Variants in CBX5 observed in about 807,000 individuals in gnomAD.
CBX5 encodes chromobox 5.
A neutral mutation model predicts 20.7 loss-of-function variants in CBX5; 7 were observed. The observed-to-expected ratio is 0.34, with a 90% CI of 0.19 to 0.63. The LOEUF is 0.63. Among genes scored for constraint, CBX5 ranks in the 30% least tolerant of loss-of-function variants. The pLI is 0.75. For synonymous variants in CBX5, 78 were observed against 77.0 expected (o/e 1.01, Z -0.07); for missense variants, 110 against 224.1 (o/e 0.49, Z 3.25).
chr12:54,257,455 T>C (rs992076238), intron 2 of CBX5, 59 bp downstream of exon 2: 13 of 1,570,060 alleles, frequency 8.3e-6, no homozygotes, highest in South Asian at 8.0e-5. Context: ...CCTAAGGAAG[T>C]AAACCAAAGG....
At chr12:54,250,418 T>A (rs943493418) in intron 3 of CBX5, among the ~76,000 whole-genome samples, 1 of 151,572 alleles carries the variant, frequency 6.6e-6, no homozygotes, top group Non-Finnish European at 1.5e-5. Flanking sequence ...TCAAAATAAA[T>A]AAATAAATAA....
intron 1 of CBX5, among the ~76,000 whole-genome samples, chr12:54,260,679 ACT>A (rs1233082926): frequency 1.3e-5 from 2 of 152,084 alleles, no homozygotes; most frequent in Non-Finnish European, 2.9e-5. Context: ...TTAATATACA[ACT>A]CTCTGTATCA....
At chr12:54,266,878 T>C (rs987305907) in intron 1 of CBX5, among the ~76,000 whole-genome samples, 1 of 152,192 alleles carries the variant, frequency 6.6e-6, no homozygotes, top group African/African-American at 2.4e-5. Context: ...GAATAAGATG[T>C]TGCCCTATTA....
intron 1 of CBX5, among the ~76,000 whole-genome samples, chr12:54,267,515 CTTT>C (rs370474036): frequency 1.4e-5 from 2 of 143,766 alleles, no homozygotes; most frequent in Admixed American, 7.0e-5. Flanking sequence ...CAATTTTTCT[CTTT>C]TTTTTTTTTT....
intron 2 of CBX5, among the ~76,000 whole-genome samples, chr12:54,254,809 C>T (rs565159436): frequency 7.9e-5 from 12 of 151,606 alleles, no homozygotes; most frequent in African/African-American, 2.7e-4. Context: ...GCCAAGATCA[C>T]GCCATTGCAC....
At chr12:54,272,983 G>A (rs1944024548) in intron 1 of CBX5, 1 of 152,140 alleles carries the variant, frequency 6.6e-6, no homozygotes, top group Admixed American at 6.6e-5. Flanking sequence ...ACTTGCCTCT[G>A]TTTCTTTAAA....
chr12:54,238,893 CTT>C lies in CBX5; in HGVS notation c.*2860_*2861del, dbSNP rs1400185286. 4 of 152,214 alleles carry C rather than the reference CTT, an allele frequency of 2.6e-5. No individual in the cohort carries two copies. The allele number at this position is 152,214 out of a possible 1,614,324, so 9.4% of individuals were successfully genotyped here. A position where few individuals can be genotyped will look rare whatever the true frequency, so the allele number is the denominator to read the frequency against. On this transcript the variant is annotated 3_prime_UTR_variant, in exon 5 of 5. Transcript: ENST00000209875. Reference sequence around the variant, plus strand: ...AAAAATAAATTTTTAGCATTTGAGACTTAGGTGTTTAAGAGTGCTTAGCTCTT... The same window carrying C: ...AAAAATAAATTTTTAGCATTTGAGACAGGTGTTTAAGAGTGCTTAGCTCTT...
rs562878412 is a variant in CBX5 at position 54,275,435 on chromosome 12, G to A, written c.-43+4573C>T. On this transcript the variant is annotated intron_variant, in intron 1 of 4. Coordinates refer to ENST00000209875, the MANE Select transcript of CBX5 (RefSeq NM_012117.3). ...TTTTTGTATTTTTAGCGGAGATGGGGTTTCACCGTGTTAGCCAGGATGGTC... is the reference window on the plus strand; with the variant it reads ...TTTTTGTATTTTTAGCGGAGATGGGATTTCACCGTGTTAGCCAGGATGGTC... Among the ~76,000 whole-genome samples the A allele has an allele frequency of 2.0e-4, 31 of 151,970 alleles. 2 individuals are homozygous for A. Among genetic ancestry groups the A allele is most frequent in the Admixed American group, 2.0e-3 (30 of 15,260 alleles).
chr12:54,235,244 T>G lies in CBX5; in HGVS notation c.*6511A>C, dbSNP rs1458455175. On this transcript the variant is annotated 3_prime_UTR_variant, in exon 5 of 5. Transcript: ENST00000209875. ...CCAGCTACGCTTCGATGATTAAATCTGAGACTCAGATTTAATATACAAGGT... is the reference window on the plus strand; with the variant it reads ...CCAGCTACGCTTCGATGATTAAATCGGAGACTCAGATTTAATATACAAGGT... 2 of 152,232 alleles carry G rather than the reference T, an allele frequency of 1.3e-5. No individual in the cohort carries two copies. Among genetic ancestry groups the G allele is most frequent in the Non-Finnish European group, 2.9e-5 (2 of 68,030 alleles). The allele number at this position is 152,232 out of a possible 1,614,324, so 9.4% of individuals were successfully genotyped here. A position where few individuals can be genotyped will look rare whatever the true frequency, so the allele number is the denominator to read the frequency against.
At chr12:54,243,410 A>T (rs1020905339) in intron 4 of CBX5, among the ~76,000 whole-genome samples, 1 of 151,994 alleles carries the variant, frequency 6.6e-6, no homozygotes, top group African/African-American at 2.4e-5. Flanking sequence ...ACTTTTTAAA[A>T]ATTAGCAGGC....
chr12:54,266,542 A>G (rs1175670695), intron 1 of CBX5, among the ~76,000 whole-genome samples: 1 of 152,234 alleles, frequency 6.6e-6, no homozygotes, highest in Non-Finnish European at 1.5e-5. Flanking sequence ...GAACAAACAT[A>G]GTGAGACCTC....
chr12:54,247,840 AT>A (rs1175819369), intron 3 of CBX5, among the ~76,000 whole-genome samples: 1,762 of 137,756 alleles, frequency 0.013, 21 homozygotes, highest in African/African-American at 0.033. Flanking sequence ...CCCCTGGCTA[AT>A]TTTTTTTTTT....
At chr12:54,252,001 C>A (rs1308733339) in intron 3 of CBX5, 40 bp downstream of exon 3, 3 of 1,466,348 alleles carry the variant, frequency 2.0e-6, no homozygotes, top group Admixed American at 2.5e-5. Context: ...ATTTTGGTGG[C>A]AAAAGAATAG....
intron 4 of CBX5, among the ~76,000 whole-genome samples, chr12:54,242,824 A>T: frequency 6.6e-6 from 1 of 152,122 alleles, no homozygotes; most frequent in East Asian, 1.9e-4. Flanking sequence ...TTAAAAAAAA[A>T]TTAAAATTAT....
At chr12:54,268,371 G>A (rs1435939209) in intron 1 of CBX5, among the ~76,000 whole-genome samples, 2 of 152,184 alleles carry the variant, frequency 1.3e-5, no homozygotes, top group Non-Finnish European at 2.9e-5. Context: ...TCATAAAAGT[G>A]TGCTCTAAAC....
intron 1 of CBX5, among the ~76,000 whole-genome samples, chr12:54,264,233 G>A (rs933996107): frequency 9.9e-5 from 15 of 152,240 alleles, no homozygotes; most frequent in African/African-American, 3.4e-4. Flanking sequence ...ACAGTTTATT[G>A]CAGTCTCAAA....
chr12:54,253,339 T>C (rs1357603595), intron 2 of CBX5, among the ~76,000 whole-genome samples: 1 of 152,042 alleles, frequency 6.6e-6, no homozygotes, highest in African/African-American at 2.4e-5. Flanking sequence ...TGCTTGAATC[T>C]GGGAGGCTGC....
chr12:54,247,925 C>T (rs1474811400), intron 3 of CBX5, among the ~76,000 whole-genome samples: 1 of 151,636 alleles, frequency 6.6e-6, no homozygotes, highest in African/African-American at 2.4e-5. Context: ...ACTGCAACCT[C>T]TGCCTCCTAG....
intron 2 of CBX5, 34 bp from the exon 3 acceptor site, chr12:54,252,261 AGG>A: frequency 4.3e-6 from 6 of 1,380,044 alleles, no homozygotes; most frequent in Non-Finnish European, 5.9e-6. Flanking sequence ...TAAAAAAAAA[AGG>A]GGGGGGTAAA....
Sources: gnomAD v4.1 joint callset for allele counts (sites outside exome capture counted in the v4.1 genomes callset) on GRCh38, gnomAD v4.1.1 for gene constraint, MANE v1.5 for transcripts, NCBI Gene and HGNC (gene_info 2026-07-23, HGNC 2026-07-21) for gene names.